Variants in HIP1 observed in about 807,000 individuals in gnomAD.
HIP1 encodes huntingtin interacting protein 1.
HIP1 carries 65 observed loss-of-function variants against 147.6 expected under a neutral mutation model. The ratio of observed to expected loss-of-function variants is 0.44; its 90% confidence interval spans 0.36 to 0.54. The LOEUF (loss-of-function observed/expected upper bound fraction) is 0.54. HIP1 is among the 20% of genes least tolerant of loss of function. The pLI, the probability that HIP1 is intolerant of heterozygous loss-of-function variation, is 0.00. For synonymous variants in HIP1, 479 were observed against 504.0 expected, an observed-to-expected ratio of 0.95 and a Z score of 0.67; for missense variants, 1,061 against 1,299.6, an observed-to-expected ratio of 0.82 and a Z score of 2.82.
intron 29 of HIP1, 61 bp from the exon 30 acceptor site, chr7:75,539,492 TA>T (rs1332900314): frequency 3.0e-5 from 40 of 1,344,816 alleles, no homozygotes; most frequent in Middle Eastern, 1.8e-4. Flanking sequence ...AATTTTTATT[TA>T]TTTTTTTATA....
chr7:75,633,714 C>T (rs949331496), intron 1 of HIP1, among the ~76,000 whole-genome samples: 3 of 152,122 alleles, frequency 2.0e-5, no homozygotes, highest in East Asian at 1.9e-4. Context: ...TTTTGCACAG[C>T]GATCTCTCCA....
intron 1 of HIP1, among the ~76,000 whole-genome samples, chr7:75,612,797 G>A (rs140403755): frequency 0.015 from 2,267 of 151,848 alleles, 72 homozygotes; most frequent in African/African-American, 0.052. Flanking sequence ...CAACAAGAGT[G>A]AAACTCCATC....
At chr7:75,657,829 C>G (rs1451693787) in intron 1 of HIP1, among the ~76,000 whole-genome samples, 8 of 151,948 alleles carry the variant, frequency 5.3e-5, no homozygotes, top group Admixed American at 2.6e-4. Flanking sequence ...AAGCCCAAAC[C>G]TTAGCATCAC....
intron 1 of HIP1, among the ~76,000 whole-genome samples, chr7:75,658,644 C>T (rs1584926642): frequency 6.6e-6 from 1 of 151,438 alleles, no homozygotes; most frequent in African/African-American, 2.4e-5. Flanking sequence ...GGCCAGGCGC[C>T]GTGGCTCATG....
intron 1 of HIP1, among the ~76,000 whole-genome samples, chr7:75,682,013 A>G (rs1800093375): frequency 7.2e-6 from 1 of 138,850 alleles, no homozygotes; most frequent in Non-Finnish European, 1.5e-5. Flanking sequence ...CTAAGGCAAC[A>G]ACCTCTTTTT....
chr7:75,669,547 G>T (rs1799674280), intron 1 of HIP1, among the ~76,000 whole-genome samples: 1 of 150,660 alleles, frequency 6.6e-6, no homozygotes, highest in Non-Finnish European at 1.5e-5. Context: ...GGGTGATAGA[G>T]TGAGACTCTG....
At chr7:75,724,922 G>C (rs58869666) in intron 1 of HIP1, among the ~76,000 whole-genome samples, 1 of 152,298 alleles carries the variant, frequency 6.6e-6, no homozygotes, top group Non-Finnish European at 1.5e-5. Context: ...GAATGCTTCC[G>C]AGGGGAGGCA....
intron 4 of HIP1, among the ~76,000 whole-genome samples, chr7:75,587,270 T>C (rs942560079): frequency 6.6e-6 from 1 of 152,080 alleles, no homozygotes; most frequent in African/African-American, 2.4e-5. Flanking sequence ...TTAGTAGAGA[T>C]GGGGTTTCAC....
chr7:75,589,840 C>T (rs1796433026), intron 4 of HIP1, among the ~76,000 whole-genome samples: 1 of 151,512 alleles, frequency 6.6e-6, no homozygotes, highest in East Asian at 1.9e-4. Context: ...ACGCCTTTCT[C>T]CTGCCTCAGC....
chr7:75,579,458 AT>A (rs782175173), intron 7 of HIP1, among the ~76,000 whole-genome samples: 13 of 151,804 alleles, frequency 8.6e-5, no homozygotes, highest in Non-Finnish European at 1.6e-4. Flanking sequence ...CACCTGGCTA[AT>A]TTTTGTATTT....
At chr7:75,692,599 T>C (rs1800500396) in intron 1 of HIP1, among the ~76,000 whole-genome samples, 1 of 151,420 alleles carries the variant, frequency 6.6e-6, no homozygotes, top group African/African-American at 2.4e-5. Context: ...TTTTTTTTTT[T>C]TTGTATTTTT....
At chr7:75,709,538 CT>C (rs1413617692) in intron 1 of HIP1, among the ~76,000 whole-genome samples, 3 of 152,178 alleles carry the variant, frequency 2.0e-5, no homozygotes, top group African/African-American at 7.2e-5. Flanking sequence ...TACCTTGCTA[CT>C]TTGCTGAATT....
At chr7:75,636,409 C>T (rs1314883634) in intron 1 of HIP1, among the ~76,000 whole-genome samples, 1 of 152,150 alleles carries the variant, frequency 6.6e-6, no homozygotes, top group Admixed American at 6.5e-5. Context: ...TTTCCTCACT[C>T]TGCGTAAGCA....
chr7:75,723,828 C>T lies in HIP1; in HGVS notation c.120+14973G>A, dbSNP rs537969415. 3.4e-3 allele frequency among the ~76,000 whole-genome samples: 516 copies of T among 152,194 alleles called. 1 individual carries two copies. Among genetic ancestry groups the T allele is most frequent in the Non-Finnish European group, 5.6e-3 (380 of 67,998 alleles). On this transcript the variant is annotated intron_variant, in intron 1 of 30. Coordinates refer to ENST00000336926, the MANE Select transcript of HIP1 (RefSeq NM_005338.7). ...AAAGTCCCTTCTGCCATGTAGAAGG[C>T]CTCCTGTTCTGAAGGTCCTTCTGCA...
At chr7:75,671,728 A>G (rs187856147) in intron 1 of HIP1, among the ~76,000 whole-genome samples, 5 of 151,244 alleles carry the variant, frequency 3.3e-5, no homozygotes, top group Non-Finnish European at 7.4e-5. Context: ...AGCAATTTTT[A>G]TTTCATGTTT....
At chr7:75,573,668 GAGA>G in intron 8 of HIP1, 90 bp downstream of exon 8, 2 of 1,327,524 alleles carry the variant, frequency 1.5e-6, no homozygotes, top group Non-Finnish European at 2.1e-6. Flanking sequence ...CAAAGGCACT[GAGA>G]AGGACTGCGT....
chr7:75,534,783 T>A lies in HIP1; in HGVS notation c.*3389A>T, dbSNP rs1218946900. On this transcript the variant is annotated 3_prime_UTR_variant, in exon 31 of 31. Transcript: ENST00000336926. The stretch of plus-strand genomic sequence containing the variant: ...CTTTTCTCTAGAGGTCTCAGGGCAC[T>A]GTCTTACAAACTTAAGTAACAGATG... 2 of 193,504 alleles carry A rather than the reference T, an allele frequency of 1.0e-5. No individual in the cohort carries two copies. The highest frequency in any genetic ancestry group is 4.6e-5 in the African/African-American group (2 of 43,120). 12.0% of individuals were successfully genotyped at this position (193,504 alleles called of 1,614,324 possible). A position where few individuals can be genotyped will look rare whatever the true frequency, so the allele number is the denominator to read the frequency against.
chr7:75,639,007 G>A, intron 1 of HIP1: 1 of 862,672 alleles, frequency 1.2e-6, no homozygotes, highest in Non-Finnish European at 1.4e-6. Flanking sequence ...CAGGGCTGGG[G>A]GTGTGGGGAG....
chr7:75,627,322 A>G (rs1450935032), intron 1 of HIP1, among the ~76,000 whole-genome samples: 1 of 152,176 alleles, frequency 6.6e-6, no homozygotes, highest in African/African-American at 2.4e-5. Context: ...GGCAGAATCA[A>G]TCATTCCTAC....
Sources: gnomAD v4.1 joint callset for allele counts (sites outside exome capture counted in the v4.1 genomes callset) on GRCh38, gnomAD v4.1.1 for gene constraint, MANE v1.5 for transcripts, NCBI Gene and HGNC (gene_info 2026-07-23, HGNC 2026-07-21) for gene names.